Variants in NDUFAF6 observed in about 807,000 individuals in gnomAD.
NDUFAF6 encodes the protein NADH:ubiquinone oxidoreductase complex assembly factor 6, also known as NADH dehydrogenase (ubiquinone) complex I, assembly factor 6.
A neutral mutation model predicts 40.8 loss-of-function variants in NDUFAF6; 45 were observed. That is an observed-to-expected ratio of 1.10 (90% confidence interval 0.87 to 1.42). NDUFAF6 has a LOEUF of 1.42. NDUFAF6 is among the 40% of genes most tolerant of loss of function. NDUFAF6 has a pLI of 0.00. For missense variants in NDUFAF6, 435 were observed against 418.5 expected (o/e 1.04, Z -0.34); for synonymous variants, 185 against 155.9 (o/e 1.19, Z -1.39).
chr8:94,946,048 A>G (rs538710745), intron 2 of NDUFAF6, among the ~76,000 whole-genome samples: 3 of 152,254 alleles, frequency 2.0e-5, no homozygotes, highest in South Asian at 2.1e-4. Context: ...AATAAGAAAA[A>G]TAAGTATTAT....
chr8:94,954,155 C>CA (rs397820792), upstream of NDUFAF6, among the ~76,000 whole-genome samples: 1 of 152,110 alleles, frequency 6.6e-6, no homozygotes, highest in Admixed American at 6.6e-5. Context: ...CTCCGCCCCC[C>CA]GGGTTCAAGA....
chr8:94,991,806 C>CTTTTT (rs1563775611), intron 2 of NDUFAF6, among the ~76,000 whole-genome samples: 1 of 137,010 alleles, frequency 7.3e-6, no homozygotes. Flanking sequence ...GCCCCCCCCC[C>CTTTTT]CTTTTTTTTT....
Position 94,946,282 on chromosome 8 carries a change from G to A in NDUFAF6, c.-799+663G>A, listed in dbSNP as rs928146104. 9.9e-5 allele frequency among the ~76,000 whole-genome samples: 15 copies of A among 152,070 alleles called. No individual in the cohort carries two copies. The South Asian group carries it at 1.5e-3, about 15-fold the overall frequency. ...GTGGCTGACTGAGTCTAATACTCAC[G>A]GGGAAGAGCATTCTAGTTTGACCAC... On this transcript the variant is annotated intron_variant, in intron 2 of 14. Coordinates refer to the NDUFAF6 transcript ENST00000396113.
chr8:94,927,560 C>A (rs1266942905), intron 1 of NDUFAF6: 3 of 152,110 alleles, frequency 2.0e-5, no homozygotes, highest in Non-Finnish European at 4.4e-5. Flanking sequence ...GCAAAAAATT[C>A]CCCACCCAAT....
At chr8:95,089,865 G>A (rs916096589) in intron 2 of NDUFAF6, among the ~76,000 whole-genome samples, 2 of 152,090 alleles carry the variant, frequency 1.3e-5, no homozygotes, top group Non-Finnish European at 2.9e-5. Flanking sequence ...TTTAGTTAAC[G>A]TCACAACAGT....
At chr8:95,003,441 G>C (rs896852210) in intron 2 of NDUFAF6, among the ~76,000 whole-genome samples, 4 of 152,202 alleles carry the variant, frequency 2.6e-5, no homozygotes, top group African/African-American at 7.2e-5. Context: ...ATCTGGCTCA[G>C]TACTGGGTAG....
chr8:94,955,018 A>G (rs896191376), upstream of NDUFAF6, among the ~76,000 whole-genome samples: 4 of 152,224 alleles, frequency 2.6e-5, no homozygotes, highest in Admixed American at 6.5e-5. Flanking sequence ...AGAACAGATA[A>G]TTATGGAGTT....
chr8:95,106,274 CAAAAA>C (rs772574749), downstream of NDUFAF6, among the ~76,000 whole-genome samples: 1 of 87,522 alleles, frequency 1.1e-5, no homozygotes, highest in Non-Finnish European at 2.4e-5. Context: ...GACTCCATCT[CAAAAA>C]AAAAAAAAAA....
chr8:94,940,180 C>CTCT (rs563445319), intron 1 of NDUFAF6: 11 of 1,609,182 alleles, frequency 6.8e-6, no homozygotes, highest in Middle Eastern at 1.6e-4. Context: ...TGATGTCCTC[C>CTCT]TCTTCTTCTT....
At chr8:94,959,355 G>T (rs1347789249) in intron 1 of NDUFAF6, among the ~76,000 whole-genome samples, 3 of 152,154 alleles carry the variant, frequency 2.0e-5, no homozygotes, top group Non-Finnish European at 4.4e-5. Flanking sequence ...GGTACTCAAG[G>T]CTTGAAGAGG....
In NDUFAF6 at chr8:95,071,157, G is replaced by A. The variant is rs530310436; in HGVS notation, c.*512-4476G>A. On this transcript the variant is annotated intron_variant and NMD_transcript_variant, in intron 9 of 9. Coordinates refer to the NDUFAF6 transcript ENST00000520757. ...TGTAATCCCAGCACTTTGGGAGGCTGAGGTGGGCGGATCACGAGGTCAGGA... is the reference window on the plus strand; with the variant it reads ...TGTAATCCCAGCACTTTGGGAGGCTAAGGTGGGCGGATCACGAGGTCAGGA... 3.7e-4 allele frequency among the ~76,000 whole-genome samples: 57 copies of A among 152,140 alleles called. 1 individual carries two copies. Among genetic ancestry groups the A allele is most frequent in the African/African-American group, 1.3e-3 (55 of 41,504 alleles).
chr8:94,935,035 A>C (rs1789481750), intron 1 of NDUFAF6, among the ~76,000 whole-genome samples: 1 of 152,174 alleles, frequency 6.6e-6, no homozygotes, highest in Non-Finnish European at 1.5e-5. Flanking sequence ...ACTCTGGTAA[A>C]GTTAATAAAT....
At chr8:94,921,107 A>C (rs1229791740) in intron 1 of NDUFAF6, among the ~76,000 whole-genome samples, 1 of 152,202 alleles carries the variant, frequency 6.6e-6, no homozygotes, top group African/African-American at 2.4e-5. Flanking sequence ...GCAAAAAGGA[A>C]TTTTATCTCA....
intron 2 of NDUFAF6, among the ~76,000 whole-genome samples, chr8:95,086,945 A>C (rs1374465010): frequency 6.6e-6 from 1 of 152,060 alleles, no homozygotes; most frequent in East Asian, 1.9e-4. Context: ...TGATCAGGTC[A>C]ACACATCCTA....
intron 2 of NDUFAF6, chr8:94,981,050 T>C: frequency 1.1e-5 from 5 of 449,362 alleles, no homozygotes; most frequent in South Asian, 6.3e-5. Context: ...ATTACCATGG[T>C]TTTAATATGG....
Position 95,046,878 on chromosome 8 carries a change from A to T in NDUFAF6, c.581-116A>T, listed in dbSNP as rs961399016. 3.6e-6 allele frequency: 5 copies of T among 1,395,522 alleles called. No individual in the cohort carries two copies. The African/African-American group carries it at 7.1e-5, about 20-fold the overall frequency. 86.4% of individuals were successfully genotyped at this position (1,395,522 alleles called of 1,614,324 possible). On this transcript the variant is annotated intron_variant, in intron 5 of 8. Transcript: ENST00000396124. ...TTCACTCATAAATCCTGTTTTTCAG[A>T]TGTAAAACAGGATAAATGTCTCCTT...
chr8:94,938,652 C>T (rs1821222879), intron 1 of NDUFAF6, among the ~76,000 whole-genome samples: 4 of 152,174 alleles, frequency 2.6e-5, no homozygotes, highest in African/African-American at 9.7e-5. Context: ...TCCATAAGAC[C>T]CCAATAGTAC....
intron 1 of NDUFAF6, among the ~76,000 whole-genome samples, chr8:94,980,094 C>T (rs1825291306): frequency 6.7e-6 from 1 of 149,816 alleles, no homozygotes; most frequent in East Asian, 1.9e-4. Context: ...GAGACTCTGT[C>T]TCAAAGCGAA....
chr8:95,087,245 T>C lies in NDUFAF6; in HGVS notation n.213+11493T>C, dbSNP rs141606513. 1.1e-4 allele frequency among the ~76,000 whole-genome samples: 16 copies of C among 152,320 alleles called. No individual in the cohort carries two copies. In the East Asian group the frequency reaches 3.1e-3, roughly 29 times the overall value. ...AACTTTTCATACTTGCATCTTCCGT[T>C]TTCTCTTTCCTGCAGTGGTTTTCCC... On this transcript the variant is annotated intron_variant and non_coding_transcript_variant, in intron 2 of 5. Coordinates refer to the NDUFAF6 transcript ENST00000523184.
Sources: gnomAD v4.1 joint callset for allele counts (sites outside exome capture counted in the v4.1 genomes callset) on GRCh38, gnomAD v4.1.1 for gene constraint, MANE v1.5 for transcripts, NCBI Gene and HGNC (gene_info 2026-07-23, HGNC 2026-07-21) for gene names.